MYO16: variants seen among roughly 807,000 people sequenced by gnomAD.
The protein encoded by MYO16 is myosin XVI.
MYO16 carries 94 observed loss-of-function variants against 205.3 expected under a neutral mutation model. The ratio of observed to expected loss-of-function variants is 0.46; its 90% CI spans 0.39 to 0.54. The LOEUF is 0.54. Ranked by LOEUF, MYO16 falls within the 20% of genes least tolerant of loss-of-function variation. The probability of loss-of-function intolerance (pLI) is 0.00; values close to 1 mark genes in which losing one functional copy is unlikely to be tolerated. For synonymous variants in MYO16, 988 were observed against 954.0 expected, an observed-to-expected ratio of 1.04 and a Z score of -0.66; for missense variants, 2,315 against 2,387.5, an observed-to-expected ratio of 0.97 and a Z score of 0.63.
intron 17 of MYO16, among the ~76,000 whole-genome samples, chr13:108,958,357 T>G (rs1264896098): frequency 2.0e-5 from 3 of 151,662 alleles, no homozygotes; most frequent in African/African-American, 7.3e-5. Flanking sequence ...ATGTAAAGAA[T>G]CACTTGAAAA....
intron 32 of MYO16, among the ~76,000 whole-genome samples, chr13:109,148,774 G>C (rs914738731): frequency 1.3e-5 from 2 of 152,176 alleles, no homozygotes; most frequent in Non-Finnish European, 1.5e-5. Flanking sequence ...GCAGCCAGAA[G>C]AAGAAAGAGG....
intron 28 of MYO16, among the ~76,000 whole-genome samples, chr13:109,117,277 C>T (rs928148093): frequency 3.3e-5 from 5 of 151,682 alleles, no homozygotes; most frequent in African/African-American, 1.2e-4. Context: ...TTTTTCTAAT[C>T]TGAATTCATC....
Position 109,207,018 on chromosome 13 carries a change from G to A in MYO16, c.*182G>A. 1 of 573,714 alleles carries A rather than the reference G, an allele frequency of 1.7e-6. No homozygotes were observed. The highest frequency in any genetic ancestry group is 2.2e-5 in the South Asian group (1 of 46,204). 35.5% of individuals were successfully genotyped at this position (573,714 alleles called of 1,614,324 possible). On this transcript the variant is annotated 3_prime_UTR_variant, in exon 35 of 35. Coordinates refer to ENST00000457511, the MANE Select transcript of MYO16 (RefSeq NM_001198950.3). ...TGTGTGTGTGTGTTTGTGTGTGTGT[G>A]TGTGGGTTCTTTCTTATCCATCTCG...
chr13:108,992,541 C>A, intron 21 of MYO16, 93 bp downstream of exon 21: 1 of 687,888 alleles, frequency 1.5e-6, no homozygotes, highest in Non-Finnish European at 2.4e-6. Flanking sequence ...TAACTACTTA[C>A]AAATATGGAA....
Position 109,008,930 on chromosome 13 carries a change from C to T in MYO16, c.2476C>T (p.His826Tyr). 1 of 1,613,018 alleles carries T rather than the reference C, an allele frequency of 6.2e-7. No homozygotes were observed. The highest frequency in any genetic ancestry group is 8.5e-7 in the Non-Finnish European group (1 of 1,179,516). ...CAACATGACCAATGAGAAGATGCAC[C>T]ACTATATCAATGAAGTGCTTTTTCT... The part of the protein sequence containing the change: ...CVNMTNEKMH[H>Y]YINEVLFLHE... The change falls in exon 22 of 35, where the codon CAC (histidine) becomes TAC (tyrosine). Residue 826 changes from histidine (H) to tyrosine (Y), a missense_variant. By Grantham distance (83) the His-to-Tyr change is moderately conservative. Transcript: ENST00000457511.
intron 34 of MYO16, among the ~76,000 whole-genome samples, chr13:109,187,473 G>A (rs1239779932): frequency 2.0e-5 from 3 of 152,058 alleles, no homozygotes; most frequent in African/African-American, 7.2e-5. Context: ...CTGACTTGAA[G>A]TGTTTCTTTT....
intron 27 of MYO16, among the ~76,000 whole-genome samples, chr13:109,091,567 G>C (rs958095908): frequency 6.6e-6 from 1 of 152,154 alleles, no homozygotes; most frequent in Non-Finnish European, 1.5e-5. Flanking sequence ...AGCCACCTCA[G>C]TGGGCATCTG....
intron 11 of MYO16, among the ~76,000 whole-genome samples, chr13:108,860,233 T>C (rs112774922): frequency 0.014 from 2,044 of 146,358 alleles, 51 homozygotes; most frequent in African/African-American, 0.046. Flanking sequence ...TCCTATCATT[T>C]ACCTCCCATT....
At chr13:108,859,016 C>T (rs1474206039) in intron 11 of MYO16, among the ~76,000 whole-genome samples, 1 of 152,156 alleles carries the variant, frequency 6.6e-6, no homozygotes. Context: ...AATGTCATTG[C>T]TTCTGGAGGC....
chr13:108,907,960 T>C (rs1881072608), intron 15 of MYO16, among the ~76,000 whole-genome samples: 2 of 152,190 alleles, frequency 1.3e-5, no homozygotes, highest in Admixed American at 1.3e-4. Context: ...TCATTTAAAA[T>C]GTCTTTAGGT....
chr13:108,998,918 A>G (rs894508904), intron 21 of MYO16, among the ~76,000 whole-genome samples: 1 of 152,228 alleles, frequency 6.6e-6, no homozygotes, highest in African/African-American at 2.4e-5. Context: ...GGAGAAACAC[A>G]TGCGGAAGCT....
chr13:108,717,611 C>T (rs894325105), intron 3 of MYO16, among the ~76,000 whole-genome samples: 1 of 110,238 alleles, frequency 9.1e-6, no homozygotes, highest in Non-Finnish European at 1.7e-5. Context: ...GCCTGGGTGA[C>T]AGAGCAAGAC....
intron 15 of MYO16, among the ~76,000 whole-genome samples, chr13:108,903,340 A>T (rs1375728360): frequency 1.3e-5 from 2 of 152,106 alleles, no homozygotes; most frequent in African/African-American, 4.8e-5. Context: ...ATAGATGTGT[A>T]TGTATAGGAA....
chr13:109,009,755 A>G (rs1885529241), intron 22 of MYO16, among the ~76,000 whole-genome samples: 1 of 152,240 alleles, frequency 6.6e-6, no homozygotes. Flanking sequence ...CCATAAAGAT[A>G]GATTTCTAAA....
intron 16 of MYO16, among the ~76,000 whole-genome samples, chr13:108,924,988 C>G (rs1881924561): frequency 6.6e-6 from 1 of 152,150 alleles, no homozygotes; most frequent in Admixed American, 6.5e-5. Context: ...CCGTACTTGT[C>G]TTTCTGGGAA....
chr13:109,006,548 G>C (rs1885392943), intron 21 of MYO16, among the ~76,000 whole-genome samples: 1 of 152,016 alleles, frequency 6.6e-6, no homozygotes, highest in East Asian at 1.9e-4. Context: ...CTAATATTTT[G>C]TTATTTTTTA....
chr13:108,513,155 T>C, the MYO16 span, among the ~76,000 whole-genome samples: 1 of 108,344 alleles, frequency 9.2e-6, no homozygotes, highest in Non-Finnish European at 1.8e-5. Flanking sequence ...TTTCAGCTCC[T>C]GTTATTGGTC....
chr13:108,972,249 C>CTCTATATA lies in MYO16; in HGVS notation c.2369+7348_2369+7349insCTATATAT, dbSNP rs1178345437. On this transcript the variant is annotated intron_variant, in intron 20 of 34. Coordinates refer to ENST00000457511, the MANE Select transcript of MYO16 (RefSeq NM_001198950.3). ...TCTCTCTCTCTCTCTCTCTCTCTCT[C>CTCTATATA]TATATATATATATATATATATATAT... 2.5e-3 allele frequency among the ~76,000 whole-genome samples: 7 copies of CTCTATATA among 2,848 alleles called. 1 individual carries two copies. The highest frequency in any genetic ancestry group is 4.1e-3 in the Non-Finnish European group (7 of 1,696). The allele number at this position is 2,848 out of a possible 152,430, so 1.9% of individuals were successfully genotyped here. A position where few individuals can be genotyped will look rare whatever the true frequency, so the allele number is the denominator to read the frequency against.
intron 7 of MYO16, among the ~76,000 whole-genome samples, chr13:108,811,358 CA>C (rs994087787): frequency 1.3e-5 from 2 of 152,104 alleles, no homozygotes; most frequent in African/African-American, 4.8e-5. Flanking sequence ...TAACAAGCTT[CA>C]TGTGCCATCC....
Sources: allele counts gnomAD v4.1 joint callset (sites outside exome capture counted in the v4.1 genomes callset), GRCh38; gene constraint gnomAD v4.1.1; transcripts MANE v1.5; gene names NCBI Gene and HGNC (gene_info 2026-07-23, HGNC 2026-07-21).